Variants in HDAC9 observed in about 807,000 individuals in gnomAD.
HDAC9 encodes the protein histone deacetylase 9.
HDAC9 carries 41 observed loss-of-function variants against 139.4 expected under a neutral mutation model. The observed-to-expected ratio is 0.29, with a 90% confidence interval of 0.23 to 0.38. The LOEUF (loss-of-function observed/expected upper bound fraction) is 0.38. Among genes scored for constraint, HDAC9 ranks in the 10% least tolerant of loss-of-function variants. HDAC9 has a pLI of 1.00. For synonymous variants in HDAC9, 517 were observed against 476.2 expected, an observed-to-expected ratio of 1.09 and a Z score of -1.12; for missense variants, 1,147 against 1,297.0, an observed-to-expected ratio of 0.88 and a Z score of 1.78.
chr7:18,185,838 C>A (rs1789869200), intron 2 of HDAC9, among the ~76,000 whole-genome samples: 1 of 152,084 alleles, frequency 6.6e-6, no homozygotes, highest in African/African-American at 2.4e-5. Flanking sequence ...CATTTTTTTT[C>A]TCCATAAAGA....
chr7:18,657,841 A>G lies in HDAC9; in HGVS notation c.1468-8372A>G, dbSNP rs1633791. ...CCCTCTTGTTTGTAGGATAAAATCCAAACACTTTTACATGGCCTACAAGGC... is the reference window on the plus strand; with the variant it reads ...CCCTCTTGTTTGTAGGATAAAATCCGAACACTTTTACATGGCCTACAAGGC... On this transcript the variant is annotated intron_variant, in intron 11 of 25. Coordinates refer to ENST00000686413, the MANE Select transcript of HDAC9 (RefSeq NM_178425.4). Among the ~76,000 whole-genome samples, 670 of 152,214 alleles carry G rather than the reference A, an allele frequency of 4.4e-3. 5 individuals are homozygous for G. Among genetic ancestry groups the G allele is most frequent in the African/African-American group, 0.016 (647 of 41,554 alleles).
chr7:18,162,540 G>T (rs1787704949), intron 2 of HDAC9: 1 of 588,516 alleles, frequency 1.7e-6, no homozygotes, highest in Admixed American at 3.0e-5. Context: ...TTGCTTCCTG[G>T]ACAACTGATT....
chr7:18,935,326 T>C (rs1387879796), intron 22 of HDAC9, among the ~76,000 whole-genome samples: 1 of 152,160 alleles, frequency 6.6e-6, no homozygotes, highest in East Asian at 1.9e-4. Flanking sequence ...TCTAATGTAA[T>C]AGATTTTACA....
At chr7:18,520,759 C>T (rs1804776851) in intron 2 of HDAC9, among the ~76,000 whole-genome samples, 1 of 152,148 alleles carries the variant, frequency 6.6e-6, no homozygotes, top group Non-Finnish European at 1.5e-5. Context: ...TAGCCTAGAG[C>T]CTTGGTCTGA....
At chr7:18,530,229 G>A (rs542187346) in intron 2 of HDAC9, among the ~76,000 whole-genome samples, 1 of 152,130 alleles carries the variant, frequency 6.6e-6, no homozygotes, top group Non-Finnish European at 1.5e-5. Flanking sequence ...TGCCACTCCT[G>A]TTCTGCCTGG....
rs369089404 is a variant in HDAC9 at position 18,593,858 on chromosome 7, A to G, written c.543-50A>G. The G allele has an allele frequency of 1.7e-5, 28 of 1,604,026 alleles. No individual in the cohort carries two copies. The African/African-American group carries it at 3.3e-4, about 19-fold the overall frequency. On this transcript the variant is annotated intron_variant, in intron 5 of 25. Transcript: ENST00000686413. ...GTGCAGCTGATTATTGCTGACCAAT[A>G]TGCAGTAAAAACTACCAAGTAAATA...
In HDAC9 at chr7:18,183,992, T is replaced by C. The variant is rs566427857; in HGVS notation, c.25+21643T>C. Among the ~76,000 whole-genome samples the C allele has an allele frequency of 7.9e-5, 12 of 152,350 alleles. No individual in the cohort carries two copies. The South Asian group carries it at 2.3e-3, about 29-fold the overall frequency. On this transcript the variant is annotated intron_variant, in intron 2 of 12. Coordinates refer to the HDAC9 transcript ENST00000417496. ...TATTGCCTTTAAAATATATAAATTA[T>C]ACATTTTTTTGTTACCTGTTATTGC...
At chr7:18,154,758 A>T (rs191916716) in intron 1 of HDAC9, among the ~76,000 whole-genome samples, 2 of 152,216 alleles carry the variant, frequency 1.3e-5, no homozygotes, top group Admixed American at 1.3e-4. Flanking sequence ...TGTACACAAT[A>T]TTGAAGCTTG....
intron 19 of HDAC9, among the ~76,000 whole-genome samples, chr7:18,832,837 G>A (rs569168398): frequency 1.1e-3 from 170 of 152,282 alleles, no homozygotes; most frequent in Non-Finnish European, 1.5e-3. Flanking sequence ...CCGGGTTCAA[G>A]CGATTCTCCT....
chr7:18,764,744 ATATATCT>A (rs896735087), intron 15 of HDAC9, among the ~76,000 whole-genome samples: 44 of 152,210 alleles, frequency 2.9e-4, no homozygotes, highest in Middle Eastern at 3.4e-3. Flanking sequence ...TTTCACTTCC[ATATATCT>A]TACTACATCC....
intron 1 of HDAC9, among the ~76,000 whole-genome samples, chr7:18,382,156 A>G (rs1305837217): frequency 6.6e-6 from 1 of 152,160 alleles, no homozygotes. Flanking sequence ...AATATGTTCT[A>G]TATCTATTCC....
At chr7:18,483,938 A>G (rs2128129831) in intron 1 of HDAC9, among the ~76,000 whole-genome samples, 1 of 150,662 alleles carries the variant, frequency 6.6e-6, no homozygotes, top group African/African-American at 2.4e-5. Flanking sequence ...CTGAAGGCCA[A>G]TATATTCTAC....
chr7:18,436,018 A>G (rs1019033988), intron 1 of HDAC9, among the ~76,000 whole-genome samples: 4 of 151,492 alleles, frequency 2.6e-5, no homozygotes, highest in South Asian at 2.1e-4. Flanking sequence ...AGGTTTCACT[A>G]TGTTGCCCAG....
chr7:18,652,507 T>C (rs925295110), intron 11 of HDAC9, among the ~76,000 whole-genome samples: 7 of 151,762 alleles, frequency 4.6e-5, no homozygotes, highest in Non-Finnish European at 5.9e-5. Flanking sequence ...AAAGGGCAAA[T>C]CTCTAGTCAC....
chr7:18,753,911 G>T (rs746821808), intron 14 of HDAC9, among the ~76,000 whole-genome samples: 9 of 151,980 alleles, frequency 5.9e-5, no homozygotes, highest in Non-Finnish European at 1.0e-4. Context: ...CAGTTCTTTT[G>T]GAACATAACA....
chr7:18,620,081 C>T (rs980493558), intron 6 of HDAC9, among the ~76,000 whole-genome samples: 3 of 152,294 alleles, frequency 2.0e-5, no homozygotes, highest in Middle Eastern at 3.4e-3. Context: ...TTAACATGCA[C>T]TTTTTCCCAT....
intron 12 of HDAC9, among the ~76,000 whole-genome samples, chr7:18,687,622 A>G (rs900606855): frequency 3.3e-5 from 5 of 151,838 alleles, no homozygotes; most frequent in African/African-American, 4.8e-5. Flanking sequence ...GATATTCACT[A>G]TGGAATAAAT....
intron 23 of HDAC9, among the ~76,000 whole-genome samples, chr7:18,939,630 GC>G (rs1781886338): frequency 1.3e-5 from 2 of 152,070 alleles, no homozygotes; most frequent in Non-Finnish European, 2.9e-5. Context: ...AATATATAAG[GC>G]GTATTACATG....
At chr7:18,796,540 A>T (rs1792816064) in intron 17 of HDAC9, among the ~76,000 whole-genome samples, 1 of 152,204 alleles carries the variant, frequency 6.6e-6, no homozygotes, top group Admixed American at 6.5e-5. Flanking sequence ...AATCATGGGG[A>T]CTTTCAGACT....
Sources: allele counts gnomAD v4.1 joint callset (sites outside exome capture counted in the v4.1 genomes callset), GRCh38; gene constraint gnomAD v4.1.1; transcripts MANE v1.5; gene names NCBI Gene and HGNC (gene_info 2026-07-23, HGNC 2026-07-21).